CSMD2: variants seen among roughly 807,000 people sequenced by gnomAD.
CSMD2 encodes the protein CUB and Sushi multiple domains 2.
In CSMD2, 130 loss-of-function variants were observed where a neutral mutation model predicts 398.5. The ratio of observed to expected loss-of-function variants is 0.33; its 90% CI spans 0.28 to 0.38. The LOEUF is 0.38. Ranked by LOEUF, CSMD2 falls within the 10% of genes least tolerant of loss-of-function variation. The pLI is 1.00. For synonymous variants in CSMD2, 1,828 were observed against 1,908.5 expected (o/e 0.96, Z 1.10); for missense variants, 3,829 against 4,764.9 (o/e 0.80, Z 5.78).
At position 34,023,153 on chromosome 1, in the gene CSMD2, C is replaced by T. The variant is rs568522924; in HGVS notation, c.517+9441G>A. ...ACTCGAAGGATTTAAAGGGCTAAAC[C>T]CTTTAACCCAATTAAAGGGTTTCAA... On this transcript the variant is annotated intron_variant, in intron 3 of 70. Transcript: ENST00000373381. 3.3e-5 allele frequency among the ~76,000 whole-genome samples: 5 copies of T among 152,222 alleles called. No individual in the cohort carries two copies. The South Asian group carries it at 1.0e-3, about 32-fold the overall frequency.
chr1:33,659,628 C>T (rs1644063592), intron 26 of CSMD2, among the ~76,000 whole-genome samples: 1 of 152,220 alleles, frequency 6.6e-6, no homozygotes, highest in South Asian at 2.1e-4. Context: ...CTTGCTACAG[C>T]CACCAGACAT....
intron 3 of CSMD2, among the ~76,000 whole-genome samples, chr1:33,981,603 G>A (rs771532616): frequency 3.0e-4 from 45 of 152,166 alleles, no homozygotes; most frequent in African/African-American, 2.9e-4. Context: ...CCTGGGCCAC[G>A]CACTGAGTAT....
In CSMD2 at chr1:33,646,788, C is replaced by T. The variant is rs899671765; in HGVS notation, c.4634G>A (p.Arg1545Gln). The change falls in exon 29 of 71, where the codon CGG becomes CAG. Residue 1545 changes from arginine to glutamine, a missense_variant. By Grantham distance (43) the Arg-to-Gln change is conservative. Transcript: ENST00000373381. ...GYDFLHIYDG[R>Q]DSLSPLIGSF... ...TCCTATGAGAGGGCTGAGAGAGTCC[C>T]GTCCGTCGTAGATATGGAGGAAGTC... The T allele has an allele frequency of 1.3e-5, 21 of 1,613,748 alleles. No homozygotes were observed. In the East Asian group the frequency reaches 2.9e-4, roughly 22 times the overall value.
chr1:33,808,225 C>T (rs185669568), intron 10 of CSMD2, among the ~76,000 whole-genome samples: 1 of 151,878 alleles, frequency 6.6e-6, no homozygotes, highest in Non-Finnish European at 1.5e-5. Context: ...ATGAAGAAGA[C>T]AAGAAAAATC....
At chr1:33,836,514 G>A (rs1226491999) in intron 6 of CSMD2, among the ~76,000 whole-genome samples, 2 of 152,230 alleles carry the variant, frequency 1.3e-5, no homozygotes, top group South Asian at 2.1e-4. Flanking sequence ...GCTTCACCCA[G>A]TTCGAGCTTC....
At chr1:34,153,632 C>T (rs1640534144) in intron 1 of CSMD2, among the ~76,000 whole-genome samples, 1 of 152,192 alleles carries the variant, frequency 6.6e-6, no homozygotes, top group African/African-American at 2.4e-5. Context: ...GTAATCCTGC[C>T]CATTCTCTAG....
intron 42 of CSMD2, 94 bp downstream of exon 42, chr1:33,605,188 T>C (rs1640506710): frequency 2.5e-6 from 3 of 1,212,190 alleles, no homozygotes; most frequent in Non-Finnish European, 2.3e-6. Context: ...GCCCTGGAGA[T>C]CCCACAGAGC....
At chr1:33,725,248 G>T in intron 17 of CSMD2, 101 bp downstream of exon 17, 2 of 976,928 alleles carry the variant, frequency 2.0e-6, no homozygotes, top group Admixed American at 2.0e-5. Flanking sequence ...ACACCATGGG[G>T]ATGGGGCCAA....
intron 5 of CSMD2, among the ~76,000 whole-genome samples, chr1:33,903,179 AT>A (rs1422055336): frequency 6.6e-6 from 1 of 152,184 alleles, no homozygotes; most frequent in Non-Finnish European, 1.5e-5. Flanking sequence ...ACACATTTCT[AT>A]TTCTGTGCTA....
chr1:33,688,065 A>G (rs1339376740), intron 25 of CSMD2, among the ~76,000 whole-genome samples: 1 of 152,240 alleles, frequency 6.6e-6, no homozygotes, highest in Admixed American at 6.5e-5. Flanking sequence ...GAGGTCATGT[A>G]TCAAAATTTA....
intron 5 of CSMD2, among the ~76,000 whole-genome samples, chr1:33,849,566 T>G (rs1286786540): frequency 1.3e-5 from 2 of 152,098 alleles, no homozygotes; most frequent in African/African-American, 2.4e-5. Context: ...ATGTCTTACA[T>G]CTCAAATGAG....
At chr1:33,617,379 A>G in intron 38 of CSMD2, 120 bp downstream of exon 38, 1 of 723,756 alleles carries the variant, frequency 1.4e-6, no homozygotes, top group South Asian at 1.7e-5. Context: ...GGATAATGGT[A>G]CCCGGGGGAC....
chr1:34,104,032 T>C (rs568136318), intron 1 of CSMD2, among the ~76,000 whole-genome samples: 1 of 152,330 alleles, frequency 6.6e-6, no homozygotes, highest in African/African-American at 2.4e-5. Context: ...TAATGTGATA[T>C]CTGCTGAGTT....
intron 2 of CSMD2, among the ~76,000 whole-genome samples, chr1:34,054,739 C>CT (rs996715302): frequency 1.3e-5 from 2 of 151,912 alleles, no homozygotes; most frequent in African/African-American, 4.8e-5. Context: ...GACTCTGTCT[C>CT]TTTAAAAAAA....
At chr1:33,545,239 G>C (rs572360686) in intron 57 of CSMD2, among the ~76,000 whole-genome samples, 1 of 152,194 alleles carries the variant, frequency 6.6e-6, no homozygotes, top group Non-Finnish European at 1.5e-5. Flanking sequence ...GAGACAGAGA[G>C]ATTTGGGGAC....
At chr1:34,115,102 G>T (rs181116744) in intron 1 of CSMD2, among the ~76,000 whole-genome samples, 153 of 152,142 alleles carry the variant, frequency 1.0e-3, no homozygotes, top group Non-Finnish European at 1.7e-3. Flanking sequence ...AAGGAACTTA[G>T]AGGACCCCAT....
intron 32 of CSMD2, among the ~76,000 whole-genome samples, chr1:33,630,065 T>TCTTCCTTCCTTCCTTCCTTC (rs562242200): frequency 6.6e-6 from 1 of 151,030 alleles, no homozygotes; most frequent in African/African-American, 2.4e-5. Flanking sequence ...TCCCCCATCT[T>TCTTCCTTCCTTCCTTCCTTC]CTTCCTTCCT....
At chr1:33,753,608 C>T (rs1219225943) in intron 13 of CSMD2, among the ~76,000 whole-genome samples, 1 of 152,234 alleles carries the variant, frequency 6.6e-6, no homozygotes, top group Non-Finnish European at 1.5e-5. Context: ...GGGGCTGCCA[C>T]CCTCCAGACT....
chr1:34,124,715 C>T (rs1467583766), intron 1 of CSMD2, among the ~76,000 whole-genome samples: 2 of 152,206 alleles, frequency 1.3e-5, no homozygotes, highest in Non-Finnish European at 2.9e-5. Context: ...CAAATTGTAA[C>T]TGTCAGGAAC....
Sources: gnomAD v4.1 joint callset for allele counts (sites outside exome capture counted in the v4.1 genomes callset) on GRCh38, gnomAD v4.1.1 for gene constraint, MANE v1.5 for transcripts, NCBI Gene and HGNC (gene_info 2026-07-23, HGNC 2026-07-21) for gene names.